Variants in PCDHA4 observed in about 807,000 individuals in gnomAD.
PCDHA4 encodes the protein protocadherin alpha-4.
Under a neutral mutation model 61.4 loss-of-function variants are expected in PCDHA4, and 49 were observed. The observed-to-expected ratio is 0.80, with a 90% CI of 0.63 to 1.01. The LOEUF is 1.01. PCDHA4 is among the 50% of genes least tolerant of loss of function. PCDHA4 has a pLI of 0.00. For missense variants in PCDHA4, 1,254 were observed against 1,235.8 expected (o/e 1.01, Z -0.22); for synonymous variants, 590 against 550.3 (o/e 1.07, Z -1.01).
intron 1 of PCDHA4, chr5:140,883,550 C>A: frequency 6.2e-7 from 1 of 1,614,188 alleles, no homozygotes; most frequent in Non-Finnish European, 8.5e-7. Flanking sequence ...GGTGACCGCG[C>A]GGGACGGGGG....
intron 1 of PCDHA4, chr5:140,850,214 T>A (rs1554143992): frequency 6.3e-7 from 1 of 1,593,328 alleles, no homozygotes; most frequent in African/African-American, 1.3e-5. Flanking sequence ...TGAGGGGCAC[T>A]GACGGCGCAG....
intron 1 of PCDHA4, among the ~76,000 whole-genome samples, chr5:140,819,032 C>A (rs2150102961): frequency 3.2e-4 from 48 of 152,278 alleles, no homozygotes; most frequent in African/African-American, 1.0e-3. Flanking sequence ...TTAGCACATT[C>A]CCTTATAGGG....
chr5:140,854,428 A>G (rs1402946580), intron 1 of PCDHA4: 1 of 151,142 alleles, frequency 6.6e-6, no homozygotes, highest in Non-Finnish European at 1.5e-5. Context: ...TAAAATCAGA[A>G]TTTGAATGAA....
intron 1 of PCDHA4, chr5:140,862,477 A>G (rs1227905551): frequency 2.6e-6 from 1 of 379,090 alleles, no homozygotes; most frequent in African/African-American, 2.1e-5. Context: ...AAATCTATCC[A>G]TTGTTGGTAA....
At position 141,009,806 on chromosome 5, in the gene PCDHA4, A is replaced by G. The variant is rs781853535; in HGVS notation, c.2713A>G (p.Ile905Val). 18 of 1,614,018 alleles carry G rather than the reference A, an allele frequency of 1.1e-5. No individual in the cohort carries two copies. Among genetic ancestry groups the G allele is most frequent in the Non-Finnish European group, 1.5e-5 (18 of 1,180,028 alleles). ...SIRQEPTNSQ[I>V]DKSDFITFGK... is the part of the protein sequence containing the mutation. ...CCGGCAGGAGCCTACTAACAGCCAA[A>G]TTGACAAAAGTGACTTCATAACCTT... The change falls in exon 4 of 4, where the codon ATT becomes GTT. Residue 905 changes from isoleucine (I) to valine (V), a missense_variant. Physicochemically the swap from Ile to Val is conservative, Grantham distance 29 (BLOSUM62 3). Coordinates refer to ENST00000530339, the MANE Select transcript of PCDHA4 (RefSeq NM_018907.4).
Position 140,943,173 on chromosome 5 carries a change from G to A in PCDHA4, c.2386-35776G>A, listed in dbSNP as rs143950290. On this transcript the variant is annotated intron_variant, in intron 1 of 3. Coordinates refer to ENST00000530339, the MANE Select transcript of PCDHA4 (RefSeq NM_018907.4). ...CTCTGGAGGCTGAGGCAGGAAAATC[G>A]CTTGAACCCTGGAGGTGGAGGCTGC... is the stretch of plus-strand genomic sequence containing the variant. Among the ~76,000 whole-genome samples the A allele has an allele frequency of 5.6e-3, 834 of 148,712 alleles. 7 individuals are homozygous for A. Among genetic ancestry groups the A allele is most frequent in the African/African-American group, 0.019 (751 of 40,052 alleles).
At chr5:140,984,869 T>C (rs1587042657) in intron 3 of PCDHA4, among the ~76,000 whole-genome samples, 1 of 152,174 alleles carries the variant, frequency 6.6e-6, no homozygotes, top group East Asian at 1.9e-4. Flanking sequence ...ACCTATTTTA[T>C]TGAGTTACCA....
intron 1 of PCDHA4, among the ~76,000 whole-genome samples, chr5:140,951,791 A>T (rs375226786): frequency 1.3e-5 from 2 of 152,228 alleles, no homozygotes; most frequent in Non-Finnish European, 2.9e-5. Context: ...AAATACAATT[A>T]TCCCTTCCCA....
intron 1 of PCDHA4, chr5:140,824,250 T>G: frequency 4.3e-6 from 6 of 1,404,896 alleles, no homozygotes; most frequent in Non-Finnish European, 4.0e-6. Context: ...TGGTACACAA[T>G]TATTGCACTA....
intron 1 of PCDHA4, chr5:140,929,570 A>G (rs1563117537): frequency 2.2e-6 from 1 of 458,222 alleles, no homozygotes; most frequent in South Asian, 1.1e-4. Flanking sequence ...TAAGAACAAT[A>G]AAAGTAATAT....
At chr5:140,917,518 C>T (rs1159309425) in intron 1 of PCDHA4, among the ~76,000 whole-genome samples, 3 of 152,198 alleles carry the variant, frequency 2.0e-5, no homozygotes, top group Non-Finnish European at 4.4e-5. Context: ...AGGTTTTATT[C>T]TACGGTTTGT....
At chr5:140,895,653 A>G (rs1247218282) in intron 1 of PCDHA4, among the ~76,000 whole-genome samples, 1 of 152,150 alleles carries the variant, frequency 6.6e-6, no homozygotes, top group Non-Finnish European at 1.5e-5. Flanking sequence ...GCTCCCACTT[A>G]TAAGTGAGAA....
intron 1 of PCDHA4, chr5:140,926,823 G>C (rs1454618329): frequency 6.7e-7 from 1 of 1,496,998 alleles, no homozygotes; most frequent in Non-Finnish European, 8.9e-7. Context: ...TGCTCTCCAG[G>C]AGTCCGGAGC....
At position 140,850,247 on chromosome 5, in the gene PCDHA4, G is replaced by T; in HGVS notation, c.2385+40675G>T. On this transcript the variant is annotated intron_variant, in intron 1 of 3. Coordinates refer to ENST00000530339, the MANE Select transcript of PCDHA4 (RefSeq NM_018907.4). ...CAGTGAGCGAGATGGTGCTGCGGTC[G>T]GTGGGCGCCGGCGTAGTGGTGGGGA... is the stretch of plus-strand genomic sequence containing the variant. 10 of 1,593,682 alleles carry T rather than the reference G, an allele frequency of 6.3e-6. 1 individual carries two copies. Among genetic ancestry groups the T allele is most frequent in the Non-Finnish European group, 8.6e-6 (10 of 1,166,960 alleles).
At chr5:140,853,462 C>T (rs1386923717) in intron 1 of PCDHA4, 1 of 971,854 alleles carries the variant, frequency 1.0e-6, no homozygotes, top group African/African-American at 1.8e-5. Context: ...TCCTTATATG[C>T]ATCTGTAGTT....
intron 1 of PCDHA4, chr5:140,869,208 C>T (rs782200592): frequency 2.5e-6 from 4 of 1,613,990 alleles, no homozygotes; most frequent in Middle Eastern, 1.7e-4. Context: ...ACTACTCCGT[C>T]TCGGAGGAGG....
rs185233104 is a variant in PCDHA4, at chr5:140,979,751, C to T, written c.2444+744C>T. 6.6e-5 allele frequency among the ~76,000 whole-genome samples: 10 copies of T among 152,136 alleles called. No individual in the cohort carries two copies. The South Asian group carries it at 1.2e-3, about 19-fold the overall frequency. On this transcript the variant is annotated intron_variant, in intron 2 of 3. Coordinates refer to ENST00000530339, the MANE Select transcript of PCDHA4 (RefSeq NM_018907.4). ...GGCCAAATAAAAGATTCATTATTTG[C>T]GAATGTCTTTGGAAACCAAATGGGA...
chr5:140,865,624 T>C (rs1554159533), intron 1 of PCDHA4: 1 of 152,176 alleles, frequency 6.6e-6, no homozygotes, highest in East Asian at 1.9e-4. Context: ...TTGTTAGACA[T>C]CATGAAGGGA....
intron 1 of PCDHA4, chr5:140,876,169 C>T (rs782706242): frequency 3.1e-6 from 5 of 1,613,798 alleles, no homozygotes; most frequent in Non-Finnish European, 4.2e-6. Context: ...AATAACCGTC[C>T]TGGATGTGAA....
Sources: gnomAD v4.1 joint callset for allele counts (sites outside exome capture counted in the v4.1 genomes callset) on GRCh38, gnomAD v4.1.1 for gene constraint, MANE v1.5 for transcripts, NCBI Gene and HGNC (gene_info 2026-07-23, HGNC 2026-07-21) for gene names.